PHC3: variants seen among roughly 807,000 people sequenced by gnomAD.
PHC3 encodes the protein polyhomeotic homolog 3, also known as polyhomeotic-like protein 3.
A neutral mutation model predicts 107.4 loss-of-function variants in PHC3; 13 were observed. That is an observed-to-expected ratio of 0.12 (90% CI 0.08 to 0.19). The LOEUF is 0.19. Among genes scored for constraint, PHC3 ranks in the 10% least tolerant of loss-of-function variants. PHC3 has a pLI of 1.00. For missense variants in PHC3, 992 were observed against 1,210.9 expected (o/e 0.82, Z 2.68); for synonymous variants, 456 against 427.4 (o/e 1.07, Z -0.83).
chr3:170,179,582 AAACAG>A (rs1463619146), intron 1 of PHC3, among the ~76,000 whole-genome samples: 1 of 152,242 alleles, frequency 6.6e-6, no homozygotes, highest in Non-Finnish European at 1.5e-5. Flanking sequence ...GAGAAGCAGC[AAACAG>A]CAACTTCCCA....
chr3:170,153,744 C>G (rs1410931177), intron 4 of PHC3, among the ~76,000 whole-genome samples: 2 of 144,750 alleles, frequency 1.4e-5, no homozygotes, highest in African/African-American at 2.5e-5. Flanking sequence ...GCCTGGGTGA[C>G]AGAGAGAGAC....
intron 4 of PHC3, among the ~76,000 whole-genome samples, chr3:170,163,045 G>A (rs529141131): frequency 2.2e-4 from 33 of 151,914 alleles, no homozygotes; most frequent in African/African-American, 7.0e-4. Flanking sequence ...GACATACTAC[G>A]TACTTGTTTA....
chr3:170,126,658 A>C (rs897765197), intron 8 of PHC3, among the ~76,000 whole-genome samples: 1 of 150,358 alleles, frequency 6.7e-6, no homozygotes, highest in Non-Finnish European at 1.5e-5. Flanking sequence ...TCTTGTGCCT[A>C]TGTCTCCCAA....
intron 7 of PHC3, among the ~76,000 whole-genome samples, chr3:170,134,540 T>G: frequency 6.6e-6 from 1 of 152,090 alleles, no homozygotes; most frequent in Non-Finnish European, 1.5e-5. Flanking sequence ...TTACATAAGA[T>G]TCAGATTTAA....
At position 170,117,220 on chromosome 3, in the gene PHC3, A is replaced by C; in HGVS notation, c.2193+6T>G. 6.2e-7 allele frequency: 1 copy of C among 1,613,988 alleles called. No homozygotes were observed. The highest frequency in any genetic ancestry group is 8.5e-7 in the Non-Finnish European group (1 of 1,179,852). ...AAACACACACACAAATATGCTTGCT[A>C]CTTACAGGAAATGGCTCCAATCCCT... On this transcript the variant is annotated splice_donor_region_variant and intron_variant, in intron 10 of 14. Coordinates refer to ENST00000495893, the MANE Select transcript of PHC3 (RefSeq NM_024947.4).
chr3:170,129,251 A>G lies in PHC3; in HGVS notation c.1221T>C (p.Ser407=). The change falls in exon 8 of 15, where the codon TCT becomes TCC. Residue 407 remains serine, a synonymous_variant. Coordinates refer to ENST00000495893, the MANE Select transcript of PHC3 (RefSeq NM_024947.4). ...SPNQSQSAQQ[S]VVVSPPPPHS... is the part of the protein sequence containing the mutation. Reference sequence around the variant, plus strand: ...GAGGTGGTGGAGGAGACACCACTACAGACTGCTGTGCTGACTGTGACTGAT... The same window carrying G: ...GAGGTGGTGGAGGAGACACCACTACGGACTGCTGTGCTGACTGTGACTGAT... 2 of 1,613,836 alleles carry G rather than the reference A, an allele frequency of 1.2e-6. No homozygotes were observed. Among genetic ancestry groups the G allele is most frequent in the Non-Finnish European group, 1.7e-6 (2 of 1,179,738 alleles).
At position 170,090,398 on chromosome 3, in the gene PHC3, CTGCACATGTAAGT is replaced by C. The variant is rs1239097449; in HGVS notation, c.*6819_*6831del. On this transcript the variant is annotated 3_prime_UTR_variant, in exon 15 of 15. Coordinates refer to ENST00000495893, the MANE Select transcript of PHC3 (RefSeq NM_024947.4). ...TTCCTCATGTCATGTTCACCAAACA[CTGCACATGTAAGT>C]GTTCAAATAGTTTGCTAAATGAATT... is the stretch of plus-strand genomic sequence containing the variant. 6.6e-6 allele frequency: 1 copy of C among 152,106 alleles called. No homozygotes were observed. The highest frequency in any genetic ancestry group is 1.5e-5 in the Non-Finnish European group (1 of 68,014). The allele number at this position is 152,106 out of a possible 1,614,324, so 9.4% of individuals were successfully genotyped here.
At chr3:170,140,783 A>G (rs1723968372) in intron 6 of PHC3, among the ~76,000 whole-genome samples, 1 of 150,460 alleles carries the variant, frequency 6.6e-6, no homozygotes, top group Non-Finnish European at 1.5e-5. Flanking sequence ...TTTTTAGTAG[A>G]GACGGGATTT....
chr3:170,172,658 G>C lies in PHC3; in HGVS notation c.235C>G (p.Gln79Glu), dbSNP rs753557746. Reference protein sequence around the residue: ...PPSSAAQYLQQMYAAQQQHLM... With the variant: ...PPSSAAQYLQEMYAAQQQHLM... Reference sequence around the variant, plus strand: ...TGCTGTTGTTGGGCTGCATACATTTGCTGAAGGTACTGAGCAGCTGAGCTG... The same window carrying C: ...TGCTGTTGTTGGGCTGCATACATTTCCTGAAGGTACTGAGCAGCTGAGCTG... Residue 79 changes from glutamine (Q) to glutamate (E), a missense_variant, in exon 3 of 15, where the codon CAA becomes GAA. Transcript: ENST00000495893. The C allele has an allele frequency of 1.2e-6, 2 of 1,613,242 alleles. No homozygotes were observed. The highest frequency in any genetic ancestry group is 2.7e-5 in the African/African-American group (2 of 74,912).
At chr3:170,102,992 TTTAA>T (rs1366827408) in intron 12 of PHC3, 58 bp from the exon 13 acceptor site, 4 of 1,510,924 alleles carry the variant, frequency 2.6e-6, no homozygotes, top group East Asian at 4.9e-5. Flanking sequence ...CCATTTAGTA[TTTAA>T]TTGTGACTTT....
intron 4 of PHC3, among the ~76,000 whole-genome samples, chr3:170,152,704 A>C (rs928913034): frequency 6.6e-6 from 1 of 151,222 alleles, no homozygotes; most frequent in African/African-American, 2.4e-5. Flanking sequence ...TCTGTCACCC[A>C]GGCTGGGGTG....
intron 7 of PHC3, among the ~76,000 whole-genome samples, chr3:170,131,145 TA>T (rs35021791): frequency 0.7 from 94,731 of 136,154 alleles, 33,404 homozygotes; most frequent in South Asian, 0.87. Context: ...CACTAATTGT[TA>T]AAAAAAAAAA....
At chr3:170,120,417 G>A (rs1005883130) in intron 9 of PHC3, among the ~76,000 whole-genome samples, 5 of 151,734 alleles carry the variant, frequency 3.3e-5, no homozygotes, top group African/African-American at 1.2e-4. Context: ...GAAACCCCGT[G>A]TCCACTAAAA....
intron 4 of PHC3, among the ~76,000 whole-genome samples, chr3:170,163,643 A>G (rs1200738872): frequency 6.6e-6 from 1 of 151,924 alleles, no homozygotes; most frequent in Non-Finnish European, 1.5e-5. Flanking sequence ...CAGGCTGATC[A>G]CCTGAGGTCA....
chr3:170,136,541 C>G lies in PHC3; in HGVS notation c.797G>C (p.Ser266Thr), dbSNP rs768092088. 5.0e-6 allele frequency: 8 copies of G among 1,611,926 alleles called. No individual in the cohort carries two copies. The South Asian group carries it at 7.7e-5, about 16-fold the overall frequency. The part of the protein sequence containing the change: ...TICHNKTTVT[S>T]SKISQRDPSP... ...AGGATCTCGTTGGCTGATTTTAGAA[C>G]TGGTCACTGTTGTTTTGTTATGACA... Residue 266 changes from serine to threonine, a missense_variant, in exon 7 of 15, where the codon AGT (serine) becomes ACT (threonine). Ser to Thr is a moderately conservative substitution (Grantham distance 58). Around this residue, in one of 6 missense-constraint regions of PHC3, gnomAD observed 543 missense variants for 590.8 expected, o/e 0.92. Coordinates refer to ENST00000495893, the MANE Select transcript of PHC3 (RefSeq NM_024947.4).
Position 170,113,518 on chromosome 3 carries a change from A to G in PHC3, c.2195T>C (p.Val732Ala). 1 of 1,586,100 alleles carries G rather than the reference A, an allele frequency of 6.3e-7. No homozygotes were observed. Among genetic ancestry groups the G allele is most frequent in the Non-Finnish European group, 8.5e-7 (1 of 1,170,754 alleles). The change falls in exon 11 of 15, where the codon GTG becomes GCG. Residue 732 changes from valine to alanine, a missense_variant and splice_region_variant. Val to Ala is a moderately conservative substitution (Grantham distance 64). Around this residue, in one of 6 missense-constraint regions of PHC3, gnomAD observed 228 missense variants for 288.8 expected, o/e 0.79. Coordinates refer to ENST00000495893, the MANE Select transcript of PHC3 (RefSeq NM_024947.4). ...TTCTATTAGCAAAGAGGAACGACTC[A>G]CCTTTAAAAAAGGAGAAATAATAAA... ...VIQEGLEPFP[V>A]SRSSLLIEQP...
intron 4 of PHC3, among the ~76,000 whole-genome samples, chr3:170,158,148 A>C (rs983098324): frequency 6.6e-6 from 1 of 152,152 alleles, no homozygotes; most frequent in Non-Finnish European, 1.5e-5. Context: ...GAAATTCCAT[A>C]AGGTAAGCTG....
At chr3:170,175,246 G>T (rs540148753) in intron 2 of PHC3, among the ~76,000 whole-genome samples, 7 of 152,280 alleles carry the variant, frequency 4.6e-5, no homozygotes, top group African/African-American at 1.7e-4. Flanking sequence ...AAGAAACAGA[G>T]TCAGTGCTAT....
intron 2 of PHC3, among the ~76,000 whole-genome samples, chr3:170,175,899 G>A (rs556012328): frequency 4.8e-4 from 73 of 150,708 alleles, no homozygotes; most frequent in African/African-American, 1.7e-3. Context: ...ACTCCAGCGT[G>A]GGCTACAGGG....
Sources: allele counts gnomAD v4.1 joint callset (sites outside exome capture counted in the v4.1 genomes callset), GRCh38; gene constraint gnomAD v4.1.1; regional missense constraint gnomAD v4.1.1; transcripts MANE v1.5; gene names NCBI Gene and HGNC (gene_info 2026-07-23, HGNC 2026-07-21).